The following DDX10 variants were observed in gnomAD, a reference collection of about 807,000 sequenced individuals.
DDX10 encodes the protein DEAD-box helicase 10.
A neutral mutation model predicts 104.3 loss-of-function variants in DDX10; 74 were observed. That is an observed-to-expected ratio of 0.71 (90% CI 0.59 to 0.86). DDX10 has a LOEUF of 0.86. Ranked by LOEUF, DDX10 falls within the 40% of genes least tolerant of loss-of-function variation. The pLI is 0.00. For synonymous variants in DDX10, 351 were observed against 353.4 expected, an observed-to-expected ratio of 0.99 and a Z score of 0.08; for missense variants, 952 against 1,040.0, an observed-to-expected ratio of 0.92 and a Z score of 1.16.
chr11:108,708,590 CAG>C (rs1237819490), intron 10 of DDX10, among the ~76,000 whole-genome samples: 1 of 141,510 alleles, frequency 7.1e-6, no homozygotes, highest in African/African-American at 2.6e-5. Context: ...TTTTTTGAGA[CAG>C]AGTCTTGCTC....
At chr11:108,730,959 T>C (rs1440157048) in intron 13 of DDX10, among the ~76,000 whole-genome samples, 1 of 152,184 alleles carries the variant, frequency 6.6e-6, no homozygotes, top group African/African-American at 2.4e-5. Flanking sequence ...AGGAATGTTT[T>C]GCTGTTTCTT....
At chr11:108,880,208 A>G (rs966156905) in intron 16 of DDX10, among the ~76,000 whole-genome samples, 1 of 152,188 alleles carries the variant, frequency 6.6e-6, no homozygotes, top group Non-Finnish European at 1.5e-5. Flanking sequence ...GTGTTCTGAC[A>G]TGGCCTTTCC....
At chr11:108,848,691 T>C (rs564821684) in intron 15 of DDX10, among the ~76,000 whole-genome samples, 4 of 152,298 alleles carry the variant, frequency 2.6e-5, no homozygotes, top group African/African-American at 9.6e-5. Context: ...AGACAAGTAT[T>C]CAGAATTACA....
At chr11:108,686,963 T>G (rs1044156882) in intron 6 of DDX10, among the ~76,000 whole-genome samples, 4 of 152,022 alleles carry the variant, frequency 2.6e-5, no homozygotes, top group Non-Finnish European at 4.4e-5. Context: ...TTTTTTGTAC[T>G]TTTAGTAGAG....
chr11:108,794,108 T>A (rs1861907510), intron 13 of DDX10, among the ~76,000 whole-genome samples: 1 of 152,214 alleles, frequency 6.6e-6, no homozygotes, highest in African/African-American at 2.4e-5. Context: ...ATTCCATATC[T>A]CTGCTATTGT....
chr11:108,750,253 A>G (rs1301798220), intron 13 of DDX10, among the ~76,000 whole-genome samples: 1 of 152,038 alleles, frequency 6.6e-6, no homozygotes, highest in Non-Finnish European at 1.5e-5. Flanking sequence ...TAGTATGTTT[A>G]GCAGTTAGTG....
chr11:108,711,629 G>A (rs1014972687), intron 10 of DDX10, among the ~76,000 whole-genome samples: 1 of 152,170 alleles, frequency 6.6e-6, no homozygotes, highest in African/African-American at 2.4e-5. Flanking sequence ...CATTGTGCCT[G>A]GCCTCTGTTA....
In DDX10 at chr11:108,723,243, GGAA is replaced by G. The variant is rs563167397; in HGVS notation, c.1758_1760del (p.Glu586del). 308 of 1,613,338 alleles carry G rather than the reference GGAA, an allele frequency of 1.9e-4. 4 individuals are homozygous for G. In the African/African-American group the frequency reaches 3.4e-3, roughly 18 times the overall value. ...ATAATGATACTGGTAATGAAGAACA[GGAA>G]GAAGAAGAAGACGATGAAGAAGAAA... is the stretch of plus-strand genomic sequence containing the variant. On this transcript the variant is annotated inframe_deletion, in exon 13 of 18. Transcript: ENST00000322536.
intron 16 of DDX10, among the ~76,000 whole-genome samples, chr11:108,865,384 A>T (rs1447854843): frequency 1.3e-5 from 2 of 152,092 alleles, no homozygotes; most frequent in African/African-American, 4.8e-5. Context: ...ATGAACTATT[A>T]TCTGTCATTT....
chr11:108,804,827 A>G (rs1007326803), intron 13 of DDX10, among the ~76,000 whole-genome samples: 2 of 152,204 alleles, frequency 1.3e-5, no homozygotes, highest in African/African-American at 4.8e-5. Context: ...CCCTGCACCA[A>G]TTCTTATGTT....
chr11:108,686,368 C>T (rs1264002311), intron 6 of DDX10, among the ~76,000 whole-genome samples: 4 of 152,140 alleles, frequency 2.6e-5, no homozygotes, highest in African/African-American at 9.7e-5. Context: ...ATATTCACTG[C>T]CCTGAAAGTC....
chr11:108,880,453 G>C (rs144882423), intron 16 of DDX10, among the ~76,000 whole-genome samples: 1 of 152,154 alleles, frequency 6.6e-6, no homozygotes, highest in Admixed American at 6.5e-5. Flanking sequence ...CTTATGTGTT[G>C]GATATGTAAA....
chr11:108,719,934 GAATT>G (rs769542840), intron 12 of DDX10, 49 bp downstream of exon 12: 26 of 1,132,814 alleles, frequency 2.3e-5, no homozygotes, highest in East Asian at 1.7e-4. Context: ...AGGTTAGAGG[GAATT>G]AATTAATTAA....
chr11:108,817,229 C>G (rs942871607), intron 13 of DDX10, among the ~76,000 whole-genome samples: 3 of 152,220 alleles, frequency 2.0e-5, no homozygotes, highest in Admixed American at 6.5e-5. Context: ...CCTCCTGACT[C>G]TGTCCTGTGA....
intron 17 of DDX10, among the ~76,000 whole-genome samples, chr11:108,939,141 A>C (rs1176588486): frequency 6.6e-6 from 1 of 152,216 alleles, no homozygotes; most frequent in Non-Finnish European, 1.5e-5. Context: ...GTCTTTACAA[A>C]TAAGACAACT....
intron 13 of DDX10, among the ~76,000 whole-genome samples, chr11:108,825,468 A>C (rs898156149): frequency 1.3e-5 from 2 of 152,236 alleles, no homozygotes; most frequent in African/African-American, 4.8e-5. Context: ...AACATTGTGT[A>C]GAATGTTCGT....
At chr11:108,789,513 A>G (rs1861842207) in intron 13 of DDX10, among the ~76,000 whole-genome samples, 1 of 152,248 alleles carries the variant, frequency 6.6e-6, no homozygotes, top group African/African-American at 2.4e-5. Flanking sequence ...CTATCTGTCC[A>G]TATTCAAAAT....
intron 13 of DDX10, among the ~76,000 whole-genome samples, chr11:108,821,448 A>G (rs951794806): frequency 9.9e-5 from 15 of 152,132 alleles, no homozygotes; most frequent in Admixed American, 3.3e-4. Context: ...AAAATATTGC[A>G]TTTTAGTGTG....
chr11:108,716,292 GT>G (rs2094291332), intron 11 of DDX10, among the ~76,000 whole-genome samples: 1 of 152,022 alleles, frequency 6.6e-6, no homozygotes, highest in South Asian at 2.1e-4. Context: ...TAGAGACAGG[GT>G]TTTCTCCATG....
Sources: gnomAD v4.1 joint callset for allele counts (sites outside exome capture counted in the v4.1 genomes callset) on GRCh38, gnomAD v4.1.1 for gene constraint, MANE v1.5 for transcripts, NCBI Gene and HGNC (gene_info 2026-07-23, HGNC 2026-07-21) for gene names.